Variants in KCNMA1 observed in about 807,000 individuals in gnomAD.
The protein encoded by KCNMA1 is Calcium-activated potassium channel subunit alpha-1.
In KCNMA1, 29 loss-of-function variants were observed where a neutral mutation model predicts 140.0. The ratio of observed to expected loss-of-function variants is 0.21; its 90% CI spans 0.15 to 0.28. The LOEUF is 0.28. KCNMA1 is among the 10% of genes least tolerant of loss of function. The pLI is 1.00. For missense variants in KCNMA1, 880 were observed against 1,602.2 expected (o/e 0.55, Z 7.70); for synonymous variants, 612 against 611.9 (o/e 1.00, Z 0.00).
rs192059751 is a variant in KCNMA1, at chr10:76,892,930, T to C, written c.3148-1211A>G. Among the ~76,000 whole-genome samples the C allele has an allele frequency of 1.1e-3, 163 of 152,198 alleles. 1 individual carries two copies. Among genetic ancestry groups the C allele is most frequent in the African/African-American group, 3.8e-3 (156 of 41,540 alleles). On this transcript the variant is annotated intron_variant, in intron 25 of 27. Coordinates refer to ENST00000286628, the MANE Select transcript of KCNMA1 (RefSeq NM_001161352.2). ...AAAAACACCCATTGTGATACAAAAT[T>C]CCAACTGCAAAAGAATTTAGGAATG... is the stretch of plus-strand genomic sequence containing the variant.
intron 2 of KCNMA1, among the ~76,000 whole-genome samples, chr10:77,351,165 T>A (rs1276616816): frequency 6.6e-6 from 1 of 152,244 alleles, no homozygotes; most frequent in South Asian, 2.1e-4. Context: ...TATTATAAAT[T>A]TTTTAAGAGC....
chr10:76,931,250 T>G (rs1394429854), intron 23 of KCNMA1, among the ~76,000 whole-genome samples: 1 of 152,164 alleles, frequency 6.6e-6, no homozygotes, highest in African/African-American at 2.4e-5. Context: ...TATATGTATA[T>G]CAAATCATCA....
At chr10:77,095,908 G>A (rs1038172040) in intron 9 of KCNMA1, among the ~76,000 whole-genome samples, 4 of 152,164 alleles carry the variant, frequency 2.6e-5, no homozygotes, top group Non-Finnish European at 5.9e-5. Context: ...GAGAGCCACT[G>A]AAGATGACTT....
intron 23 of KCNMA1, among the ~76,000 whole-genome samples, chr10:76,926,775 C>T (rs536912785): frequency 6.6e-6 from 1 of 152,266 alleles, no homozygotes; most frequent in South Asian, 2.1e-4. Flanking sequence ...GCCCTCTCTT[C>T]CAGAATCCTA....
chr10:77,172,395 C>T (rs779949384), intron 5 of KCNMA1, among the ~76,000 whole-genome samples: 5 of 152,058 alleles, frequency 3.3e-5, no homozygotes, highest in Non-Finnish European at 7.4e-5. Flanking sequence ...TCTCTACTTA[C>T]GGAGGGCATC....
chr10:76,946,577 G>A (rs1414835742), intron 22 of KCNMA1, among the ~76,000 whole-genome samples: 5 of 152,182 alleles, frequency 3.3e-5, no homozygotes, highest in Non-Finnish European at 1.5e-5. Flanking sequence ...CACTGTGGTT[G>A]CTGCTGAGAC....
intron 1 of KCNMA1, among the ~76,000 whole-genome samples, chr10:77,620,664 C>A (rs1401235434): frequency 6.6e-6 from 1 of 152,178 alleles, no homozygotes; most frequent in African/African-American, 2.4e-5. Flanking sequence ...AACCCCACAT[C>A]CCCAGTGGGT....
In KCNMA1 at chr10:76,887,168, G is replaced by A. The variant is rs1372897333; in HGVS notation, c.*98C>T. 6.2e-6 allele frequency: 10 copies of A among 1,611,578 alleles called. No homozygotes were observed. The highest frequency in any genetic ancestry group is 1.8e-4 in the Middle Eastern group (1 of 5,592). On this transcript the variant is annotated 3_prime_UTR_variant, in exon 28 of 28. Transcript: ENST00000286628. ...AAATATGTGTAAAAAAAAAGGGGGG[G>A]ACTACAGGGGAAAACAGGGAAAGTT...
intron 2 of KCNMA1, among the ~76,000 whole-genome samples, chr10:77,329,081 C>A (rs184853552): frequency 0.011 from 1,680 of 152,178 alleles, 6 homozygotes; most frequent in Non-Finnish European, 0.019. Context: ...ACCTTGTGAT[C>A]CCCCTGCCTC....
chr10:76,992,486 G>A (rs2083055430), intron 19 of KCNMA1, among the ~76,000 whole-genome samples: 1 of 152,180 alleles, frequency 6.6e-6, no homozygotes, highest in East Asian at 1.9e-4. Flanking sequence ...CAGATGTGGC[G>A]ATGGAGGGTC....
chr10:77,595,117 G>A (rs1377189617), intron 1 of KCNMA1, among the ~76,000 whole-genome samples: 3 of 152,134 alleles, frequency 2.0e-5, no homozygotes, highest in Non-Finnish European at 4.4e-5. Flanking sequence ...AGGCCAAGGC[G>A]GGCAGATCAC....
intron 2 of KCNMA1, among the ~76,000 whole-genome samples, chr10:77,318,570 G>A (rs2081482246): frequency 6.6e-6 from 1 of 152,138 alleles, no homozygotes; most frequent in African/African-American, 2.4e-5. Context: ...TTACAGAAGG[G>A]TGCAGCCCCA....
At chr10:77,266,446 G>A (rs1448336283) in intron 2 of KCNMA1, among the ~76,000 whole-genome samples, 1 of 152,146 alleles carries the variant, frequency 6.6e-6, no homozygotes, top group African/African-American at 2.4e-5. Flanking sequence ...CTCTGTGCCA[G>A]CCAAACTTCG....
Position 77,183,675 on chromosome 10 carries a change from T to G in KCNMA1, c.697-143A>C, listed in dbSNP as rs111686945. On this transcript the variant is annotated intron_variant, in intron 4 of 27. Coordinates refer to ENST00000286628, the MANE Select transcript of KCNMA1 (RefSeq NM_001161352.2). ...CTAATTTTTGTATTTTTAGTAAAGA[T>G]GGGATTTCACCATGTTGGCCAGGCT... 6.1e-5 allele frequency: 42 copies of G among 685,692 alleles called. 1 individual carries two copies. Among genetic ancestry groups the G allele is most frequent in the African/African-American group, 4.2e-4 (24 of 56,738 alleles). The allele number at this position is 685,692 out of a possible 1,614,324, so 42.5% of individuals were successfully genotyped here. A position where few individuals can be genotyped will look rare whatever the true frequency, so the allele number is the denominator to read the frequency against.
intron 1 of KCNMA1, among the ~76,000 whole-genome samples, chr10:77,497,575 T>C (rs1313250380): frequency 6.6e-6 from 1 of 152,216 alleles, no homozygotes; most frequent in Non-Finnish European, 1.5e-5. Flanking sequence ...GTGTGATATG[T>C]AAGAAGAACT....
chr10:77,615,267 A>G (rs544810441), intron 1 of KCNMA1, among the ~76,000 whole-genome samples: 1 of 152,306 alleles, frequency 6.6e-6, no homozygotes, highest in African/African-American at 2.4e-5. Context: ...GCCCCAGAGC[A>G]GCCCCAGGAT....
At chr10:77,062,321 G>A (rs952977350) in intron 14 of KCNMA1, among the ~76,000 whole-genome samples, 2 of 152,154 alleles carry the variant, frequency 1.3e-5, no homozygotes, top group South Asian at 4.1e-4. Context: ...ATCAGAAGGT[G>A]TCTGTAAACA....
chr10:77,527,335 G>A (rs1406724290), intron 1 of KCNMA1, among the ~76,000 whole-genome samples: 3 of 152,206 alleles, frequency 2.0e-5, no homozygotes, highest in Non-Finnish European at 4.4e-5. Context: ...CCTCAGCCAG[G>A]GGAACACACA....
At chr10:77,240,271 G>C (rs1445037698) in intron 3 of KCNMA1, among the ~76,000 whole-genome samples, 2 of 152,212 alleles carry the variant, frequency 1.3e-5, no homozygotes, top group African/African-American at 4.8e-5. Context: ...TGTAGAGTTA[G>C]TGATATGTAG....
Sources: gnomAD v4.1 joint callset for allele counts (sites outside exome capture counted in the v4.1 genomes callset) on GRCh38, gnomAD v4.1.1 for gene constraint, MANE v1.5 for transcripts, NCBI Gene and HGNC (gene_info 2026-07-23, HGNC 2026-07-21) for gene names.